The following CHORDC1 variants were observed in gnomAD, a reference collection of about 807,000 sequenced individuals.
CHORDC1 encodes cysteine and histidine rich domain containing 1, also known as cysteine and histidine-rich domain-containing protein 1.
Under a neutral mutation model 48.3 loss-of-function variants are expected in CHORDC1, and 25 were observed. That is an observed-to-expected ratio of 0.52 (90% CI 0.38 to 0.72). The LOEUF (loss-of-function observed/expected upper bound fraction) is 0.72. Ranked by LOEUF, CHORDC1 falls within the 30% of genes least tolerant of loss-of-function variation. The pLI is 0.00. For synonymous variants in CHORDC1, 128 were observed against 126.4 expected (o/e 1.01, Z -0.09); for missense variants, 317 against 388.7 (o/e 0.82, Z 1.55).
intron 6 of CHORDC1, chr11:90,208,620 A>C (rs1356210388): frequency 6.6e-6 from 1 of 152,326 alleles, no homozygotes; most frequent in African/African-American, 2.4e-5. Context: ...AAAAACAAGT[A>C]CATATTCTAT....
intron 1 of CHORDC1, among the ~76,000 whole-genome samples, chr11:90,219,894 T>C (rs1329269479): frequency 6.6e-6 from 1 of 152,224 alleles, no homozygotes; most frequent in Admixed American, 6.5e-5. Context: ...CCCTCTGCAA[T>C]CTGCTTAAAA....
chr11:90,220,206 T>G (rs1296380087), intron 1 of CHORDC1, among the ~76,000 whole-genome samples: 1 of 152,194 alleles, frequency 6.6e-6, no homozygotes, highest in Non-Finnish European at 1.5e-5. Context: ...TTCCTGGTGT[T>G]GCCTCAAAAT....
At chr11:90,219,227 G>A (rs1036544202) in intron 1 of CHORDC1, among the ~76,000 whole-genome samples, 3 of 151,828 alleles carry the variant, frequency 2.0e-5, no homozygotes, top group Non-Finnish European at 4.4e-5. Context: ...TCATGCCACC[G>A]CACTACAGCC....
At chr11:90,210,187 T>A (rs1369760090) in intron 6 of CHORDC1, among the ~76,000 whole-genome samples, 2 of 152,208 alleles carry the variant, frequency 1.3e-5, no homozygotes, top group Non-Finnish European at 2.9e-5. Context: ...TCATCCTGAT[T>A]TTGTAATATC....
intron 2 of CHORDC1, among the ~76,000 whole-genome samples, chr11:90,216,098 A>G (rs931832974): frequency 6.6e-6 from 1 of 152,084 alleles, no homozygotes; most frequent in Non-Finnish European, 1.5e-5. Flanking sequence ...ATTATCTTTT[A>G]CTCCGAATTG....
At chr11:90,206,365 G>A in intron 6 of CHORDC1, 93 bp from the exon 7 acceptor site, 1 of 712,326 alleles carries the variant, frequency 1.4e-6, no homozygotes. Flanking sequence ...TACGAACTTT[G>A]CAAAATACTT....
In CHORDC1 at chr11:90,217,992, G is replaced by A. The variant is rs900390406; in HGVS notation, c.114+143C>T. 9.7e-6 allele frequency: 5 copies of A among 512,962 alleles called. No individual in the cohort carries two copies. The African/African-American group carries it at 1.0e-4, about 10-fold the overall frequency. 31.8% of individuals were successfully genotyped at this position (512,962 alleles called of 1,614,324 possible). On this transcript the variant is annotated intron_variant, in intron 2 of 10. Transcript: ENST00000320585. ...CTGTCTTTTCTTTGTCTTTAGTGGA[G>A]TATACGCTTAAAGCACCTCCCCCGC... is the stretch of plus-strand genomic sequence containing the variant.
In CHORDC1 at chr11:90,200,993, T is replaced by C. The variant is rs528756528; in HGVS notation, c.*1412A>G. Among the ~76,000 whole-genome samples, 22 of 152,134 alleles carry C rather than the reference T, an allele frequency of 1.4e-4. No homozygotes were observed. The highest frequency in any genetic ancestry group is 5.1e-4 in the African/African-American group (21 of 41,568). On this transcript the variant is annotated 3_prime_UTR_variant, in exon 11 of 11. Transcript: ENST00000320585. ...TGCCCAGAGTTTCTTGTCATGGTAA[T>C]GTAACATCATGAAAGTCTGGTTGCC...
chr11:90,219,183 G>C (rs1018597382), intron 1 of CHORDC1, among the ~76,000 whole-genome samples: 4 of 152,028 alleles, frequency 2.6e-5, no homozygotes, highest in Non-Finnish European at 4.4e-5. Flanking sequence ...AGAATCGCTT[G>C]AACTTGGGAA....
chr11:90,207,653 A>G (rs1348026234), intron 6 of CHORDC1: 1 of 151,762 alleles, frequency 6.6e-6, no homozygotes, highest in African/African-American at 2.4e-5. Context: ...ACACTTCACA[A>G]GAGGATATAC....
chr11:90,202,700 C>G lies in CHORDC1; in HGVS notation c.852+113G>C, dbSNP rs1458449141. On this transcript the variant is annotated intron_variant, in intron 10 of 10. Coordinates refer to ENST00000320585, the MANE Select transcript of CHORDC1 (RefSeq NM_012124.3). Reference sequence around the variant, plus strand: ...GTCTTAAACTTTTTGGTAGGATACACTGTTAAGTTATACATCTATACTTTG... The same window carrying G: ...GTCTTAAACTTTTTGGTAGGATACAGTGTTAAGTTATACATCTATACTTTG... 6 of 1,393,608 alleles carry G rather than the reference C, an allele frequency of 4.3e-6. No individual in the cohort carries two copies. In the Admixed American group the frequency reaches 1.5e-4, roughly 35 times the overall value. The allele number at this position is 1,393,608 out of a possible 1,614,324, so 86.3% of individuals were successfully genotyped here.
chr11:90,218,275 A>C, intron 1 of CHORDC1, 91 bp from the exon 2 acceptor site: 1 of 954,952 alleles, frequency 1.0e-6, no homozygotes, highest in Non-Finnish European at 1.5e-6. Flanking sequence ...TTAACCTTTA[A>C]TCCTTTTTCC....
rs71055890 is a variant in CHORDC1, at chr11:90,207,761, C to CAAAAAAAAAAAAAAAAAA, written c.493-1490_493-1489insTTTTTTTTTTTTTTTTTT. The CAAAAAAAAAAAAAAAAAA allele has an allele frequency of 7.6e-5, 4 of 52,742 alleles. 1 individual carries two copies. The highest frequency in any genetic ancestry group is 7.3e-5 in the Non-Finnish European group (2 of 27,246). 3.3% of individuals were successfully genotyped at this position (52,742 alleles called of 1,614,324 possible). ...TACACACACTAGAATGGTTAAAATACAAAAAAAAAAAAAAAAACAAAAAAA... is the reference window on the plus strand; with the variant it reads ...TACACACACTAGAATGGTTAAAATACAAAAAAAAAAAAAAAAAAAAAAAAAAAAAAAAAAACAAAAAAA... On this transcript the variant is annotated intron_variant, in intron 6 of 10. Transcript: ENST00000320585.
intron 8 of CHORDC1, among the ~76,000 whole-genome samples, chr11:90,204,420 G>A (rs886886227): frequency 1.4e-5 from 2 of 147,872 alleles, no homozygotes; most frequent in African/African-American, 2.4e-5. Flanking sequence ...CCAACCATGT[G>A]TTATTAAAAA....
At chr11:90,222,533 T>C (rs1858197333) in intron 1 of CHORDC1, 2 of 474,862 alleles carry the variant, frequency 4.2e-6, no homozygotes, top group Non-Finnish European at 8.0e-6. Context: ...CAGTACCTCG[T>C]TAATTTTTGC....
intron 1 of CHORDC1, among the ~76,000 whole-genome samples, chr11:90,221,945 A>G (rs956392754): frequency 2.0e-5 from 3 of 152,210 alleles, no homozygotes; most frequent in Non-Finnish European, 4.4e-5. Flanking sequence ...TCTCTATCAA[A>G]TGGGTCTAAT....
intron 4 of CHORDC1, 137 bp downstream of exon 4, chr11:90,213,881 G>C (rs1338198513): frequency 8.6e-6 from 6 of 698,442 alleles, no homozygotes; most frequent in Non-Finnish European, 1.2e-5. Context: ...CAGATTTAAG[G>C]GAGAAACCAA....
At chr11:90,206,899 A>T (rs939910194) in intron 6 of CHORDC1, 8 of 478,698 alleles carry the variant, frequency 1.7e-5, no homozygotes, top group Non-Finnish European at 2.9e-5. Context: ...AGCACTACCT[A>T]CAAACAGAAA....
intron 4 of CHORDC1, 118 bp from the exon 5 acceptor site, chr11:90,211,436 C>A (rs549366972): frequency 5.8e-6 from 4 of 689,398 alleles, no homozygotes; most frequent in East Asian, 2.7e-5. Context: ...TCAAATGATT[C>A]CCATTAAAAG....
Sources: gnomAD v4.1 joint callset for allele counts (sites outside exome capture counted in the v4.1 genomes callset) on GRCh38, gnomAD v4.1.1 for gene constraint, MANE v1.5 for transcripts, NCBI Gene and HGNC (gene_info 2026-07-23, HGNC 2026-07-21) for gene names.